SFSWAP: variants seen among roughly 807,000 people sequenced by gnomAD.
The protein encoded by SFSWAP is splicing factor, suppressor of white-apricot homolog.
Under a neutral mutation model 100.7 loss-of-function variants are expected in SFSWAP, and 17 were observed. That is an observed-to-expected ratio of 0.17 (90% CI 0.12 to 0.25). SFSWAP has a LOEUF of 0.25. Among genes scored for constraint, SFSWAP ranks in the 10% least tolerant of loss-of-function variants. SFSWAP has a pLI of 1.00. For missense variants in SFSWAP, 1,005 were observed against 1,262.6 expected (o/e 0.80, Z 3.09); for synonymous variants, 504 against 510.1 (o/e 0.99, Z 0.16).
In SFSWAP at chr12:131,714,042, T is replaced by C; in HGVS notation, c.219-29T>C. On this transcript the variant is annotated intron_variant, in intron 1 of 17. Coordinates refer to ENST00000261674, the MANE Select transcript of SFSWAP (RefSeq NM_004592.4). The surrounding 1 kb of genome is among the most constrained non-coding windows in gnomAD (Gnocchi z 6.0). ...CACACCAGTCTAGACGTTAATTTCC[T>C]TTTATTGACCAGCTTGTTCACATTA... 3 of 1,599,512 alleles carry C rather than the reference T, an allele frequency of 1.9e-6. No homozygotes were observed. The highest frequency in any genetic ancestry group is 2.6e-6 in the Non-Finnish European group (3 of 1,169,232).
At chr12:131,716,193 C>G (rs1877897553) in intron 3 of SFSWAP, among the ~76,000 whole-genome samples, 1 of 152,224 alleles carries the variant, frequency 6.6e-6, no homozygotes, top group Non-Finnish European at 1.5e-5. Context: ...TGTCTTTAGT[C>G]CTGCTCCTTA....
intron 14 of SFSWAP, chr12:131,783,816 A>ATATATATATATATATATATATATG (rs1884691265): frequency 7.3e-6 from 1 of 136,204 alleles, no homozygotes; most frequent in African/African-American, 2.6e-5. Flanking sequence ...ATATATATAT[A>ATATATATATATATATATATATATG]TATATAATTC....
At chr12:131,718,439 A>T (rs1275696391) in intron 3 of SFSWAP, among the ~76,000 whole-genome samples, 1 of 152,210 alleles carries the variant, frequency 6.6e-6, no homozygotes, top group Non-Finnish European at 1.5e-5. Flanking sequence ...TGTCTTTTTA[A>T]ACTGGTAATC....
chr12:131,774,025 A>G (rs947851748), intron 13 of SFSWAP, among the ~76,000 whole-genome samples: 7 of 152,184 alleles, frequency 4.6e-5, no homozygotes, highest in African/African-American at 1.4e-4. Flanking sequence ...CGGAATGACA[A>G]TGGGAGGCCA....
intron 14 of SFSWAP, among the ~76,000 whole-genome samples, chr12:131,779,252 G>T (rs368954420): frequency 6.7e-6 from 1 of 148,420 alleles, no homozygotes; most frequent in African/African-American, 2.5e-5. Context: ...TGAAGAGGGC[G>T]GCGCGGGTGA....
intron 4 of SFSWAP, among the ~76,000 whole-genome samples, chr12:131,723,706 A>G (rs995843961): frequency 3.9e-5 from 6 of 152,130 alleles, no homozygotes; most frequent in African/African-American, 1.4e-4. Context: ...CAAAGCTCTT[A>G]GGAAACCGTG....
chr12:131,715,979 C>T (rs770518469), intron 3 of SFSWAP, among the ~76,000 whole-genome samples: 4 of 152,196 alleles, frequency 2.6e-5, no homozygotes, highest in Non-Finnish European at 5.9e-5. Context: ...GGATTACAGG[C>T]ATGAGCCACC....
intron 15 of SFSWAP, chr12:131,796,747 C>T (rs1011727263): frequency 6.2e-6 from 1 of 161,146 alleles, no homozygotes; most frequent in Admixed American, 6.4e-5. Context: ...CACCACTGCA[C>T]TCCAGCCTGG....
chr12:131,714,280 T>C lies in SFSWAP; in HGVS notation c.388+40T>C. ...AAACTTACTTCAGCAACAAACTTTT[T>C]AAAATTTTTAAGTATTTAAAAATTT... On this transcript the variant is annotated intron_variant, in intron 2 of 17. Transcript: ENST00000261674. This position sits in a 1 kb window ranked among gnomAD's most constrained non-coding sequence, Gnocchi z 6.0. The C allele has an allele frequency of 6.6e-7, 1 of 1,525,160 alleles. No homozygotes were observed. Among genetic ancestry groups the C allele is most frequent in the South Asian group, 1.2e-5 (1 of 80,688 alleles). The allele number at this position is 1,525,160 out of a possible 1,614,324, so 94.5% of individuals were successfully genotyped here.
At chr12:131,793,217 G>A (rs1885402139) in intron 15 of SFSWAP, among the ~76,000 whole-genome samples, 2 of 152,022 alleles carry the variant, frequency 1.3e-5, no homozygotes, top group Admixed American at 1.3e-4. Context: ...CCTCAGCTGG[G>A]ACCACAGGCA....
At chr12:131,751,825 C>G (rs1881677388) in intron 7 of SFSWAP, among the ~76,000 whole-genome samples, 1 of 152,242 alleles carries the variant, frequency 6.6e-6, no homozygotes, top group Admixed American at 6.5e-5. Context: ...ATCCAAGGGT[C>G]TCATCCCCTG....
chr12:131,784,472 G>A (rs1028879779), intron 14 of SFSWAP: 1 of 151,988 alleles, frequency 6.6e-6, no homozygotes, highest in Admixed American at 6.6e-5. Flanking sequence ...AAAATTTCTG[G>A]ACTGTTATCA....
intron 7 of SFSWAP, among the ~76,000 whole-genome samples, chr12:131,746,216 C>T (rs1184811977): frequency 1.3e-5 from 2 of 152,182 alleles, no homozygotes; most frequent in Non-Finnish European, 2.9e-5. Flanking sequence ...AGTCAGTGTG[C>T]ATGTGGAGAA....
intron 13 of SFSWAP, among the ~76,000 whole-genome samples, chr12:131,774,408 A>AG (rs1491421259): frequency 1.3e-5 from 2 of 152,220 alleles, no homozygotes; most frequent in Admixed American, 1.3e-4. Flanking sequence ...ATCGTGACAC[A>AG]GGGGGACTAA....
rs1209813378 is a variant in SFSWAP, at chr12:131,725,566, C to G, written c.768C>G (p.Ile256Met). Reference sequence around the variant, plus strand: ...ACCTCAACCCCTACTATAAGTTCATCCAGAAAGCCATGAAAGAGGGACGCT... The same window carrying G: ...ACCTCAACCCCTACTATAAGTTCATGCAGAAAGCCATGAAAGAGGGACGCT... ...DHYLNPYYKF[I>M]QKAMKEGRYT... The change falls in exon 5 of 18, where the codon ATC (isoleucine) becomes ATG (methionine). Residue 256 changes from isoleucine (I) to methionine (M), a missense_variant. This residue lies in a region of SFSWAP where 54 missense variants were observed against 51.9 expected (regional missense o/e 1.04). Transcript: ENST00000261674. The surrounding 1 kb of genome is among the most constrained non-coding windows in gnomAD (Gnocchi z 4.3). 6.2e-7 allele frequency: 1 copy of G among 1,614,010 alleles called. No individual in the cohort carries two copies. Among genetic ancestry groups the G allele is most frequent in the East Asian group, 2.2e-5 (1 of 44,894 alleles).
chr12:131,782,138 A>C (rs376708181), intron 14 of SFSWAP, among the ~76,000 whole-genome samples: 1 of 152,350 alleles, frequency 6.6e-6, no homozygotes, highest in African/African-American at 2.4e-5. Context: ...CATATTCTCT[A>C]TGACAAAAGA....
rs1447980466 is a variant in SFSWAP, at chr12:131,734,499, C to T, written c.1081+6071C>T. ...CCGGGGCCGCATTGTTGTGTTACCA[C>T]ACTTCTGTTTTAGAGCCTGTTACGG... On this transcript the variant is annotated intron_variant, in intron 7 of 17. Transcript: ENST00000261674. This position sits in a 1 kb window ranked among gnomAD's most constrained non-coding sequence, Gnocchi z 4.9. Among the ~76,000 whole-genome samples the T allele has an allele frequency of 2.6e-5, 4 of 152,210 alleles. No individual in the cohort carries two copies. The East Asian group carries it at 7.7e-4, about 29-fold the overall frequency.
chr12:131,744,807 A>G (rs552298492), intron 7 of SFSWAP, among the ~76,000 whole-genome samples: 1 of 152,336 alleles, frequency 6.6e-6, no homozygotes, highest in South Asian at 2.1e-4. Context: ...ACAGTTCCAC[A>G]TGGCTGGGGA....
rs909064177 is a variant in SFSWAP at position 131,730,627 on chromosome 12, G to A, written c.1081+2199G>A. Among the ~76,000 whole-genome samples, 5 of 152,108 alleles carry A rather than the reference G, an allele frequency of 3.3e-5. No homozygotes were observed. The highest frequency in any genetic ancestry group is 4.8e-5 in the African/African-American group (2 of 41,420). On this transcript the variant is annotated intron_variant, in intron 7 of 17. Transcript: ENST00000261674. The surrounding 1 kb of genome is among the most constrained non-coding windows in gnomAD (Gnocchi z 4.0). Reference sequence around the variant, plus strand: ...CTTGGTACATTCCCAAGGGTTCACCGCAGGGCGGCCAGAGCCCACACACTT... The same window carrying A: ...CTTGGTACATTCCCAAGGGTTCACCACAGGGCGGCCAGAGCCCACACACTT...
Sources: gnomAD v4.1 joint callset for allele counts (sites outside exome capture counted in the v4.1 genomes callset) on GRCh38, gnomAD v4.1.1 for gene constraint, gnomAD v4.1.1 regional missense constraint, Gnocchi (gnomAD v3.1) non-coding constraint, MANE v1.5 for transcripts, NCBI Gene and HGNC (gene_info 2026-07-23, HGNC 2026-07-21) for gene names.